Variants in SLC24A3 observed in about 807,000 individuals in gnomAD.
SLC24A3 encodes sodium/potassium/calcium exchanger 3.
SLC24A3 carries 28 observed loss-of-function variants against 75.8 expected under a neutral mutation model. The ratio of observed to expected loss-of-function variants is 0.37; its 90% CI spans 0.27 to 0.51. The LOEUF is 0.51. Among genes scored for constraint, SLC24A3 ranks in the 20% least tolerant of loss-of-function variants. The pLI is 0.94. For synonymous variants in SLC24A3, 372 were observed against 334.1 expected, an observed-to-expected ratio of 1.11 and a Z score of -1.24; for missense variants, 663 against 847.8, an observed-to-expected ratio of 0.78 and a Z score of 2.71.
chr20:19,513,806 C>CAGATACA, intron 2 of SLC24A3, among the ~76,000 whole-genome samples: 1 of 150,558 alleles, frequency 6.6e-6, no homozygotes, highest in Admixed American at 6.6e-5. Flanking sequence ...AGGTATACAA[C>CAGATACA]TTGATCTTTT....
chr20:19,476,290 G>C (rs527265415), intron 2 of SLC24A3, among the ~76,000 whole-genome samples: 2 of 152,316 alleles, frequency 1.3e-5, no homozygotes, highest in East Asian at 3.9e-4. Flanking sequence ...TCCTGGACTT[G>C]ATGAAAAACA....
chr20:19,662,309 G>GC (rs1419595275), intron 7 of SLC24A3, among the ~76,000 whole-genome samples: 1 of 152,208 alleles, frequency 6.6e-6, no homozygotes, highest in Non-Finnish European at 1.5e-5. Flanking sequence ...CAGTTCCAAA[G>GC]CCCACAACAG....
intron 1 of SLC24A3, among the ~76,000 whole-genome samples, chr20:19,272,608 G>C (rs1983362534): frequency 6.6e-6 from 1 of 152,214 alleles, no homozygotes; most frequent in Non-Finnish European, 1.5e-5. Context: ...TCTGGATTCT[G>C]TCTCAAGCTT....
At chr20:19,291,534 A>G (rs998966391) in intron 2 of SLC24A3, among the ~76,000 whole-genome samples, 1 of 152,228 alleles carries the variant, frequency 6.6e-6, no homozygotes, top group East Asian at 1.9e-4. Flanking sequence ...AAATAGGTAC[A>G]TGTCTAGGCT....
intron 3 of SLC24A3, among the ~76,000 whole-genome samples, chr20:19,578,005 A>C (rs2031165434): frequency 6.6e-6 from 1 of 152,228 alleles, no homozygotes; most frequent in Non-Finnish European, 1.5e-5. Flanking sequence ...GGAAGAGACC[A>C]AACATATATG....
chr20:19,248,192 C>T (rs1262976782), intron 1 of SLC24A3, among the ~76,000 whole-genome samples: 23 of 152,176 alleles, frequency 1.5e-4, no homozygotes, highest in Admixed American at 1.5e-3. Context: ...GCCACGTTGC[C>T]TCCTTGTGGG....
At chr20:19,345,078 C>T (rs548175820) in intron 2 of SLC24A3, among the ~76,000 whole-genome samples, 5 of 152,064 alleles carry the variant, frequency 3.3e-5, no homozygotes, top group South Asian at 2.1e-4. Flanking sequence ...GCCTGTAGAA[C>T]GTCTCAAAGA....
rs868587020 is a variant in SLC24A3, at chr20:19,515,357, T to A, written c.272-131T>A. 1.4e-4 allele frequency: 127 copies of A among 877,644 alleles called. 1 individual carries two copies. The South Asian group carries it at 2.0e-3, about 14-fold the overall frequency. The allele number at this position is 877,644 out of a possible 1,614,324, so 54.4% of individuals were successfully genotyped here. On this transcript the variant is annotated intron_variant, in intron 2 of 16. Transcript: ENST00000328041. The stretch of plus-strand genomic sequence containing the variant: ...AAACACTAAATTCTGGTTAGTTTTG[T>A]GAACTTAAAGATTCAGGATCTTTTT...
rs73617288 is a variant in SLC24A3, at chr20:19,598,887, A to AAT, written c.612+13354_612+13355dup. On this transcript the variant is annotated intron_variant, in intron 6 of 16. Coordinates refer to ENST00000328041, the MANE Select transcript of SLC24A3 (RefSeq NM_020689.4). Reference sequence around the variant, plus strand: ...GACCTTTTTCTTAAATAAAAATTTAAATATATATATATGTATATACACACA... The same window carrying AAT: ...GACCTTTTTCTTAAATAAAAATTTAAATATATATATATATGTATATACACACA... Among the ~76,000 whole-genome samples, 796 of 142,800 alleles carry AAT rather than the reference A, an allele frequency of 5.6e-3. 9 individuals carry two copies. The highest frequency in any genetic ancestry group is 0.038 in the Admixed American group (535 of 14,226). 93.7% of individuals were successfully genotyped at this position (142,800 alleles called of 152,430 possible). A position where few individuals can be genotyped will look rare whatever the true frequency, so the allele number is the denominator to read the frequency against.
chr20:19,424,800 A>G (rs531433967), intron 2 of SLC24A3, among the ~76,000 whole-genome samples: 57 of 151,658 alleles, frequency 3.8e-4, no homozygotes, highest in African/African-American at 1.3e-3. Flanking sequence ...GGAGAAAAAG[A>G]CATTATCTTA....
At chr20:19,213,021 G>A (rs1263351675) in intron 1 of SLC24A3, 37 bp downstream of exon 1, 1 of 1,212,872 alleles carries the variant, frequency 8.2e-7, no homozygotes, top group Non-Finnish European at 1.0e-6. Flanking sequence ...GGGCGCTGCG[G>A]CTCCGGCGGC....
At chr20:19,629,083 A>C (rs2031903075) in intron 6 of SLC24A3, among the ~76,000 whole-genome samples, 1 of 152,104 alleles carries the variant, frequency 6.6e-6, no homozygotes, top group Admixed American at 6.6e-5. Flanking sequence ...GAATTACCTG[A>C]AAAAGAATTA....
chr20:19,601,956 T>A lies in SLC24A3; in HGVS notation c.612+16412T>A, dbSNP rs574361671. On this transcript the variant is annotated intron_variant, in intron 6 of 16. Transcript: ENST00000328041. ...AGGAGGCTGAGGCGGACGGATCACCTGAGGTCAGGAGTTCGAGACCAGCCT... is the reference window on the plus strand; with the variant it reads ...AGGAGGCTGAGGCGGACGGATCACCAGAGGTCAGGAGTTCGAGACCAGCCT... 8.5e-5 allele frequency among the ~76,000 whole-genome samples: 13 copies of A among 152,324 alleles called. 1 individual carries two copies. Among genetic ancestry groups the A allele is most frequent in the African/African-American group, 3.1e-4 (13 of 41,578 alleles).
chr20:19,392,087 C>T (rs1986376842), intron 2 of SLC24A3, among the ~76,000 whole-genome samples: 1 of 152,080 alleles, frequency 6.6e-6, no homozygotes, highest in Non-Finnish European at 1.5e-5. Flanking sequence ...AGTAGGTATA[C>T]AATTAATGTT....
chr20:19,586,572 G>A (rs976944302), intron 6 of SLC24A3, among the ~76,000 whole-genome samples: 22 of 152,140 alleles, frequency 1.4e-4, no homozygotes, highest in African/African-American at 5.1e-4. Flanking sequence ...AGCGGCAAGG[G>A]GCACCCCATG....
intron 1 of SLC24A3, chr20:19,242,385 G>A (rs1384508121): frequency 6.6e-6 from 1 of 152,218 alleles, no homozygotes; most frequent in African/African-American, 2.4e-5. Context: ...TTGCATTTGA[G>A]ATGTCCCATA....
At position 19,554,866 on chromosome 20, in the gene SLC24A3, C is replaced by T. The variant is rs189433696; in HGVS notation, c.349-25134C>T. On this transcript the variant is annotated intron_variant, in intron 3 of 16. Transcript: ENST00000328041. Reference sequence around the variant, plus strand: ...AGAAGTCAGAGTTTAGCAAGGACTGCAGCCAGTCTGCAATGACAAAGCCAC... The same window carrying T: ...AGAAGTCAGAGTTTAGCAAGGACTGTAGCCAGTCTGCAATGACAAAGCCAC... 4.6e-5 allele frequency among the ~76,000 whole-genome samples: 7 copies of T among 152,282 alleles called. No homozygotes were observed. The East Asian group carries it at 1.4e-3, about 30-fold the overall frequency.
intron 1 of SLC24A3, among the ~76,000 whole-genome samples, chr20:19,254,544 A>G (rs1024187671): frequency 7.2e-5 from 11 of 152,202 alleles, no homozygotes; most frequent in Non-Finnish European, 1.3e-4. Flanking sequence ...CCAGTTTAAT[A>G]AATCCAGACC....
chr20:19,237,793 C>T (rs1254714913), intron 1 of SLC24A3, among the ~76,000 whole-genome samples: 1 of 152,160 alleles, frequency 6.6e-6, no homozygotes, highest in Non-Finnish European at 1.5e-5. Context: ...GCCTCCTTCT[C>T]ATCAAATCCC....
Sources: allele counts gnomAD v4.1 joint callset (sites outside exome capture counted in the v4.1 genomes callset), GRCh38; gene constraint gnomAD v4.1.1; transcripts MANE v1.5; gene names NCBI Gene and HGNC (gene_info 2026-07-23, HGNC 2026-07-21).